Variants in TXNDC11 observed in about 807,000 individuals in gnomAD.
The protein encoded by TXNDC11 is thioredoxin domain containing 11, also known as thioredoxin domain-containing protein 11.
Under a neutral mutation model 78.0 loss-of-function variants are expected in TXNDC11, and 68 were observed. That is an observed-to-expected ratio of 0.87 (90% CI 0.72 to 1.07). The LOEUF (loss-of-function observed/expected upper bound fraction) is 1.07. TXNDC11 is among the 50% of genes least tolerant of loss of function. The pLI is 0.00. For synonymous variants in TXNDC11, 571 were observed against 495.2 expected (o/e 1.15, Z -2.03); for missense variants, 1,389 against 1,221.8 (o/e 1.14, Z -2.04).
rs141270591 is a variant in TXNDC11, at chr16:11,694,439, G to A, written c.1108-2357C>T. The stretch of plus-strand genomic sequence containing the variant: ...ACTGGGATTGTAAGCATGAGCCACC[G>A]CGCCCGACCAGCAATGCTTTTTTTT... On this transcript the variant is annotated intron_variant, in intron 7 of 11. Transcript: ENST00000283033. 1.6e-3 allele frequency among the ~76,000 whole-genome samples: 248 copies of A among 151,420 alleles called. 1 individual carries two copies. The highest frequency in any genetic ancestry group is 5.7e-3 in the African/African-American group (236 of 41,198).
chr16:11,696,325 T>TC (rs921202607), intron 7 of TXNDC11, among the ~76,000 whole-genome samples: 1 of 152,038 alleles, frequency 6.6e-6, no homozygotes, highest in African/African-American at 2.4e-5. Context: ...TGCTAACTCC[T>TC]CCCCTGCCCG....
chr16:11,712,193 G>A (rs1259243875), intron 5 of TXNDC11, among the ~76,000 whole-genome samples: 1 of 152,112 alleles, frequency 6.6e-6, no homozygotes, highest in African/African-American at 2.4e-5. Context: ...GAAAGTGAAG[G>A]TGCAATTTTT....
At chr16:11,722,255 G>A (rs1308852601) in intron 4 of TXNDC11, among the ~76,000 whole-genome samples, 2 of 151,998 alleles carry the variant, frequency 1.3e-5, no homozygotes, top group African/African-American at 4.8e-5. Context: ...CTTTCCCTCA[G>A]ATCTGCAGAG....
intron 2 of TXNDC11, 31 bp from the exon 3 acceptor site, chr16:11,734,110 TATGA>T: frequency 7.2e-7 from 1 of 1,392,418 alleles, no homozygotes; most frequent in East Asian, 2.4e-5. Flanking sequence ...TTCAAATGAC[TATGA>T]ATAACAACTG....
At chr16:11,706,665 A>G (rs1444510579) in intron 5 of TXNDC11, among the ~76,000 whole-genome samples, 1 of 152,152 alleles carries the variant, frequency 6.6e-6, no homozygotes, top group Non-Finnish European at 1.5e-5. Flanking sequence ...CTCCCCAAGT[A>G]TAGCTTTGGC....
intron 5 of TXNDC11, among the ~76,000 whole-genome samples, chr16:11,711,031 G>A (rs992040258): frequency 1.3e-5 from 2 of 151,506 alleles, no homozygotes; most frequent in African/African-American, 4.9e-5. Flanking sequence ...CCAGTGTGCC[G>A]GACGTCATGC....
intron 1 of TXNDC11, among the ~76,000 whole-genome samples, chr16:11,740,439 G>C (rs544155955): frequency 6.6e-6 from 1 of 152,300 alleles, no homozygotes; most frequent in African/African-American, 2.4e-5. Context: ...CTAGTAACTG[G>C]ATTTACTCTC....
chr16:11,688,229 C>A (rs2050616805), intron 9 of TXNDC11, 74 bp downstream of exon 9: 4 of 1,528,738 alleles, frequency 2.6e-6, no homozygotes, highest in Non-Finnish European at 3.6e-6. Flanking sequence ...CAGCTGCTCA[C>A]CCCAACAACT....
At position 11,679,122 on chromosome 16, in the gene TXNDC11, T is replaced by G; in HGVS notation, c.*73A>C. On this transcript the variant is annotated 3_prime_UTR_variant, in exon 12 of 12. Coordinates refer to ENST00000283033, the MANE Select transcript of TXNDC11 (RefSeq NM_015914.7). The surrounding 1 kb of genome is among the most constrained non-coding windows in gnomAD (Gnocchi z 4.6). ...GAGAAAATCTTTATTTACAATAAAT[T>G]TCAATAAAATTTGCATAAATATATT... is the stretch of plus-strand genomic sequence containing the variant. 1 of 1,466,064 alleles carries G rather than the reference T, an allele frequency of 6.8e-7. No individual in the cohort carries two copies. The highest frequency in any genetic ancestry group is 1.2e-5 in the South Asian group (1 of 80,196). The allele number at this position is 1,466,064 out of a possible 1,614,324, so 90.8% of individuals were successfully genotyped here.
At chr16:11,694,097 CTTTTT>C (rs535913245) in intron 7 of TXNDC11, among the ~76,000 whole-genome samples, 2 of 85,690 alleles carry the variant, frequency 2.3e-5, no homozygotes, top group South Asian at 3.8e-4. Context: ...TACAGCAATG[CTTTTT>C]TTTTTTTTTT....
intron 5 of TXNDC11, among the ~76,000 whole-genome samples, chr16:11,710,338 TTC>T (rs759442536): frequency 1.3e-5 from 2 of 152,116 alleles, no homozygotes; most frequent in African/African-American, 2.4e-5. Flanking sequence ...CTCTGTCACG[TTC>T]TCTTTTTCCC....
At chr16:11,700,290 G>A (rs2050975052) in intron 6 of TXNDC11, among the ~76,000 whole-genome samples, 162 bp downstream of exon 6, 2 of 152,162 alleles carry the variant, frequency 1.3e-5, no homozygotes, top group African/African-American at 4.8e-5. Flanking sequence ...CCTGGAGCCT[G>A]GGCTCTAGGG....
intron 4 of TXNDC11, among the ~76,000 whole-genome samples, chr16:11,727,205 T>C (rs2051908445): frequency 6.6e-6 from 1 of 151,196 alleles, no homozygotes; most frequent in African/African-American, 2.4e-5. Flanking sequence ...ATTTTTTTTC[T>C]TTTTTTTTCC....
intron 5 of TXNDC11, among the ~76,000 whole-genome samples, chr16:11,701,432 C>T (rs887594902): frequency 3.3e-5 from 5 of 152,058 alleles, no homozygotes; most frequent in Admixed American, 2.6e-4. Flanking sequence ...CCACCACACT[C>T]GGCCCAATTT....
intron 5 of TXNDC11, among the ~76,000 whole-genome samples, chr16:11,714,556 C>A (rs765915325): frequency 6.6e-6 from 1 of 151,792 alleles, no homozygotes; most frequent in African/African-American, 2.4e-5. Flanking sequence ...AGGAAAATGG[C>A]GTGAACCCGG....
At chr16:11,682,489 G>A (rs1046381275) in intron 11 of TXNDC11, among the ~76,000 whole-genome samples, 2 of 152,300 alleles carry the variant, frequency 1.3e-5, no homozygotes, top group East Asian at 1.9e-4. Context: ...CAGCCCAGAC[G>A]CAGGCCTCCA....
intron 4 of TXNDC11, among the ~76,000 whole-genome samples, chr16:11,728,679 C>T (rs911881968): frequency 5.3e-5 from 8 of 152,196 alleles, no homozygotes; most frequent in Non-Finnish European, 7.3e-5. Flanking sequence ...GGCATGATGG[C>T]TCACACCTGT....
chr16:11,689,290 C>A (rs2050647489), intron 8 of TXNDC11, among the ~76,000 whole-genome samples: 1 of 152,054 alleles, frequency 6.6e-6, no homozygotes, highest in African/African-American at 2.4e-5. Context: ...TAACTCCCTC[C>A]ATTTTGAGGT....
chr16:11,701,777 A>C (rs973734070), intron 5 of TXNDC11, among the ~76,000 whole-genome samples: 2 of 152,184 alleles, frequency 1.3e-5, no homozygotes, highest in African/African-American at 4.8e-5. Flanking sequence ...GATGAAAGTA[A>C]AGAAATGAGT....
Sources: gnomAD v4.1 joint callset for allele counts (sites outside exome capture counted in the v4.1 genomes callset) on GRCh38, gnomAD v4.1.1 for gene constraint, Gnocchi (gnomAD v3.1) non-coding constraint, MANE v1.5 for transcripts, NCBI Gene and HGNC (gene_info 2026-07-23, HGNC 2026-07-21) for gene names.